The following MTMR12 variants were observed in gnomAD, a reference collection of about 807,000 sequenced individuals.
MTMR12 encodes the protein myotubularin related protein 12, also known as myotubularin-related protein 12.
A neutral mutation model predicts 96.7 loss-of-function variants in MTMR12; 33 were observed. The observed-to-expected ratio is 0.34, with a 90% CI of 0.26 to 0.46. The LOEUF (loss-of-function observed/expected upper bound fraction) is 0.46, where lower values mean the gene tolerates loss of function less well. MTMR12 is among the 20% of genes least tolerant of loss of function. The pLI, the probability that MTMR12 is intolerant of heterozygous loss-of-function variation, is 1.00. For missense variants in MTMR12, 721 were observed against 896.1 expected (o/e 0.80, Z 2.49); for synonymous variants, 298 against 327.2 (o/e 0.91, Z 0.96).
chr5:32,304,527 T>A (rs1327208138), intron 1 of MTMR12, among the ~76,000 whole-genome samples: 1 of 152,230 alleles, frequency 6.6e-6, no homozygotes, highest in Non-Finnish European at 1.5e-5. Flanking sequence ...AGGAAGTTTT[T>A]TAGCCCTTAT....
At chr5:32,244,825 C>A (rs1748616813) in intron 10 of MTMR12, among the ~76,000 whole-genome samples, 1 of 152,034 alleles carries the variant, frequency 6.6e-6, no homozygotes, top group South Asian at 2.1e-4. Context: ...TTAATATATA[C>A]AAGGGGACTT....
intron 13 of MTMR12, among the ~76,000 whole-genome samples, chr5:32,236,551 A>G (rs1034830863): frequency 1.3e-5 from 2 of 152,100 alleles, no homozygotes; most frequent in African/African-American, 4.8e-5. Context: ...TGTCTCAAAA[A>G]CAAAACAAGG....
chr5:32,239,161 G>C lies in MTMR12; in HGVS notation c.1184C>G (p.Ser395Cys). Residue 395 changes from serine (S) to cysteine (C), a missense_variant, in exon 13 of 16, where the codon TCC (serine) becomes TGC (cysteine). By Grantham distance (112) the Ser-to-Cys change is moderately radical. Transcript: ENST00000382142. ...MNVLLLEENA[S>C]DLCCLISSLV... is the part of the protein sequence containing the mutation. ...AGAGGAAATGAGACAGCAGAGGTCG[G>C]ATGCATTCTCCTCTAGGAGAGGCCC... is the stretch of plus-strand genomic sequence containing the variant. 6.2e-7 allele frequency: 1 copy of C among 1,600,732 alleles called. No homozygotes were observed. Among genetic ancestry groups the C allele is most frequent in the Non-Finnish European group, 8.5e-7 (1 of 1,172,370 alleles).
intron 6 of MTMR12, among the ~76,000 whole-genome samples, chr5:32,267,144 AGGCCGT>A (rs1044858218): frequency 4.6e-5 from 7 of 151,858 alleles, no homozygotes; most frequent in African/African-American, 1.7e-4. Context: ...TGGGAGGCCG[AGGCCGT>A]GGATCACCTG....
chr5:32,294,116 C>T (rs187523724), intron 1 of MTMR12, among the ~76,000 whole-genome samples: 29 of 152,284 alleles, frequency 1.9e-4, no homozygotes, highest in African/African-American at 6.7e-4. Context: ...ACTGCATCCT[C>T]TGGGACCACC....
At chr5:32,246,946 T>C (rs185109361) in intron 10 of MTMR12, among the ~76,000 whole-genome samples, 1 of 152,302 alleles carries the variant, frequency 6.6e-6, no homozygotes, top group African/African-American at 2.4e-5. Flanking sequence ...TCATGTGTAG[T>C]TTTTTCATAA....
At chr5:32,300,784 A>AT (rs1413677620) in intron 1 of MTMR12, among the ~76,000 whole-genome samples, 2 of 152,188 alleles carry the variant, frequency 1.3e-5, no homozygotes, top group Non-Finnish European at 2.9e-5. Flanking sequence ...GCATAAAGAG[A>AT]TTTGTAGGGG....
intron 8 of MTMR12, among the ~76,000 whole-genome samples, chr5:32,253,202 GC>G (rs1181424058): frequency 1.3e-5 from 2 of 152,066 alleles, no homozygotes; most frequent in East Asian, 1.9e-4. Context: ...TACAATAACA[GC>G]CCCCCACAAC....
intron 10 of MTMR12, among the ~76,000 whole-genome samples, chr5:32,244,567 G>A (rs1028265417): frequency 2.6e-5 from 4 of 151,860 alleles, no homozygotes; most frequent in Non-Finnish European, 5.9e-5. Flanking sequence ...CTCCAGCCTG[G>A]GCAACAAGAA....
At chr5:32,311,087 C>G (rs1321880691) in intron 1 of MTMR12, among the ~76,000 whole-genome samples, 1 of 152,094 alleles carries the variant, frequency 6.6e-6, no homozygotes, top group Non-Finnish European at 1.5e-5. Flanking sequence ...AACTTCTGAC[C>G]TCAGGTGATC....
chr5:32,285,535 A>T (rs555780074), intron 1 of MTMR12, among the ~76,000 whole-genome samples: 2,468 of 152,146 alleles, frequency 0.016, 30 homozygotes, highest in Non-Finnish European at 0.024. Context: ...TTTATTTTTT[A>T]AAAAAAGATG....
At chr5:32,268,643 C>G (rs1461041528) in intron 6 of MTMR12, 58 bp downstream of exon 6, 23 of 1,445,324 alleles carry the variant, frequency 1.6e-5, no homozygotes, top group Non-Finnish European at 2.2e-5. Flanking sequence ...CCACTGGCTT[C>G]AGGTGGGAAT....
intron 3 of MTMR12, among the ~76,000 whole-genome samples, chr5:32,273,006 G>C (rs1749897902): frequency 6.6e-6 from 1 of 152,100 alleles, no homozygotes; most frequent in Non-Finnish European, 1.5e-5. Flanking sequence ...CTAACATATG[G>C]TGCTCTCCTA....
Position 32,252,704 on chromosome 5 carries a change from A to T in MTMR12, c.789+2989T>A, listed in dbSNP as rs148786823. On this transcript the variant is annotated intron_variant, in intron 8 of 15. Coordinates refer to ENST00000382142, the MANE Select transcript of MTMR12 (RefSeq NM_001040446.3). ...AATACTAATTCATTTTAAAACAATA[A>T]TTACCAATTACCTGTTACTGTAAAT... 7.1e-3 allele frequency among the ~76,000 whole-genome samples: 1,085 copies of T among 152,352 alleles called. 13 individuals are homozygous for T. Among genetic ancestry groups the T allele is most frequent in the African/African-American group, 0.024 (1,010 of 41,580 alleles).
At chr5:32,263,532 G>C (rs1387645774) in intron 6 of MTMR12, among the ~76,000 whole-genome samples, 1 of 151,658 alleles carries the variant, frequency 6.6e-6, no homozygotes, top group Admixed American at 6.6e-5. Flanking sequence ...CCGCCTGCCA[G>C]GTTAAAGTGA....
intron 1 of MTMR12, among the ~76,000 whole-genome samples, chr5:32,310,033 G>A (rs774375042): frequency 1.5e-4 from 23 of 152,230 alleles, no homozygotes; most frequent in Non-Finnish European, 2.8e-4. Flanking sequence ...AGGAAATCAG[G>A]GCCAGGCACG....
At chr5:32,303,648 T>C (rs987158188) in intron 1 of MTMR12, among the ~76,000 whole-genome samples, 1 of 152,132 alleles carries the variant, frequency 6.6e-6, no homozygotes, top group Non-Finnish European at 1.5e-5. Flanking sequence ...GGCTTATCAA[T>C]GTTGCTGAAT....
At chr5:32,239,224 T>C (rs1486073246) in intron 12 of MTMR12, 51 bp from the exon 13 acceptor site, 1 of 1,481,548 alleles carries the variant, frequency 6.7e-7, no homozygotes. Flanking sequence ...CATAAAATGT[T>C]AAAAAGTTTC....
chr5:32,241,352 A>G (rs939695010), intron 12 of MTMR12, among the ~76,000 whole-genome samples: 10 of 152,250 alleles, frequency 6.6e-5, no homozygotes, highest in African/African-American at 2.2e-4. Flanking sequence ...GAAGCCACAG[A>G]AAGATACATT....
Sources: gnomAD v4.1 joint callset for allele counts (sites outside exome capture counted in the v4.1 genomes callset) on GRCh38, gnomAD v4.1.1 for gene constraint, MANE v1.5 for transcripts, NCBI Gene and HGNC (gene_info 2026-07-23, HGNC 2026-07-21) for gene names.